The following SNTG1 variants were observed in gnomAD, a reference collection of about 807,000 sequenced individuals.
SNTG1 encodes the protein gamma-1-syntrophin.
A neutral mutation model predicts 74.7 loss-of-function variants in SNTG1; 39 were observed. That is an observed-to-expected ratio of 0.52 (90% CI 0.40 to 0.68). SNTG1 has a LOEUF of 0.68. Ranked by LOEUF, SNTG1 falls within the 30% of genes least tolerant of loss-of-function variation. SNTG1 has a pLI of 0.00. For missense variants in SNTG1, 685 were observed against 609.5 expected (o/e 1.12, Z -1.30); for synonymous variants, 254 against 217.1 (o/e 1.17, Z -1.49).
intron 2 of SNTG1, among the ~76,000 whole-genome samples, chr8:50,260,011 A>G (rs1006288456): frequency 6.6e-6 from 1 of 152,132 alleles, no homozygotes; most frequent in Non-Finnish European, 1.5e-5. Context: ...TGAGAGCCCT[A>G]CCAGGTTTTC....
intron 11 of SNTG1, among the ~76,000 whole-genome samples, chr8:50,537,384 G>A (rs915448227): frequency 1.3e-5 from 2 of 152,066 alleles, no homozygotes; most frequent in East Asian, 1.9e-4. Flanking sequence ...TAAACCACAT[G>A]CCCAGCAGCA....
chr8:50,320,670 G>A (rs923439004), intron 2 of SNTG1, among the ~76,000 whole-genome samples: 2 of 151,378 alleles, frequency 1.3e-5, no homozygotes, highest in Admixed American at 1.3e-4. Context: ...TTTTATCTTT[G>A]AACTGTATTT....
intron 15 of SNTG1, among the ~76,000 whole-genome samples, chr8:50,699,521 C>A (rs935629842): frequency 6.6e-6 from 1 of 151,540 alleles, no homozygotes; most frequent in Non-Finnish European, 1.5e-5. Context: ...GAAAAAAAAA[C>A]CTGTTGTTTC....
At chr8:50,220,487 A>G (rs1199670534) in intron 2 of SNTG1, among the ~76,000 whole-genome samples, 2 of 152,218 alleles carry the variant, frequency 1.3e-5, no homozygotes, top group South Asian at 2.1e-4. Context: ...GGAGGGGATA[A>G]TCTGTCTGCC....
chr8:50,364,673 T>C (rs928439615), intron 2 of SNTG1, among the ~76,000 whole-genome samples: 1 of 152,138 alleles, frequency 6.6e-6, no homozygotes, highest in African/African-American at 2.4e-5. Context: ...AATTCATTCA[T>C]ATTCAAGATC....
At chr8:50,349,976 C>G (rs1201612658) in intron 2 of SNTG1, among the ~76,000 whole-genome samples, 1 of 152,208 alleles carries the variant, frequency 6.6e-6, no homozygotes, top group East Asian at 1.9e-4. Flanking sequence ...AGCTGGAGTT[C>G]TGGGTGGGCG....
intron 8 of SNTG1, among the ~76,000 whole-genome samples, chr8:50,490,402 T>C (rs564853662): frequency 2.0e-5 from 3 of 152,206 alleles, no homozygotes; most frequent in African/African-American, 7.2e-5. Context: ...CCTATCCATG[T>C]GCATGGAATG....
At chr8:50,272,046 T>C (rs1270576064) in intron 2 of SNTG1, among the ~76,000 whole-genome samples, 2 of 152,168 alleles carry the variant, frequency 1.3e-5, no homozygotes, top group Non-Finnish European at 2.9e-5. Context: ...ATATCGAATC[T>C]GCCTGTATTT....
chr8:50,614,011 AC>A (rs1187606419), intron 13 of SNTG1, among the ~76,000 whole-genome samples: 13 of 152,124 alleles, frequency 8.5e-5, no homozygotes, highest in African/African-American at 2.7e-4. Context: ...GAGATTGTAC[AC>A]CCTGAGTGGT....
At chr8:50,555,038 A>C (rs1188232325) in intron 12 of SNTG1, among the ~76,000 whole-genome samples, 1 of 152,156 alleles carries the variant, frequency 6.6e-6, no homozygotes, top group Non-Finnish European at 1.5e-5. Flanking sequence ...CAAGCATTTG[A>C]AAAGTCAATG....
chr8:50,210,375 G>A (rs1230112419), intron 2 of SNTG1, among the ~76,000 whole-genome samples: 1 of 152,116 alleles, frequency 6.6e-6, no homozygotes, highest in Non-Finnish European at 1.5e-5. Context: ...GAAGTACAGA[G>A]AACTCCACAA....
At chr8:50,202,661 G>A (rs2084032241) in intron 2 of SNTG1, among the ~76,000 whole-genome samples, 1 of 152,054 alleles carries the variant, frequency 6.6e-6, no homozygotes, top group Admixed American at 6.6e-5. Context: ...AAAGTTATGT[G>A]CAGTATTATC....
At chr8:50,222,960 T>C (rs1211145703) in intron 2 of SNTG1, among the ~76,000 whole-genome samples, 1 of 152,112 alleles carries the variant, frequency 6.6e-6, no homozygotes, top group East Asian at 1.9e-4. Flanking sequence ...CAAGAAAACA[T>C]GCCTGAAAAT....
At chr8:50,110,237 T>A (rs1001639731) in intron 1 of SNTG1, among the ~76,000 whole-genome samples, 12 of 152,166 alleles carry the variant, frequency 7.9e-5, no homozygotes, top group African/African-American at 2.9e-4. Flanking sequence ...GACATTGCTT[T>A]CCATCTAGGT....
chr8:50,139,388 C>A (rs2081584862), intron 1 of SNTG1, among the ~76,000 whole-genome samples: 1 of 152,022 alleles, frequency 6.6e-6, no homozygotes, highest in South Asian at 2.1e-4. Flanking sequence ...TAGGTAAACC[C>A]TAAATATGGA....
At chr8:50,209,320 A>G (rs543897967) in intron 2 of SNTG1, among the ~76,000 whole-genome samples, 1 of 152,316 alleles carries the variant, frequency 6.6e-6, no homozygotes, top group South Asian at 2.1e-4. Context: ...ACAAAAGGCA[A>G]CAGAAACTTC....
chr8:49,922,494 T>C (rs1230222513), intron 1 of SNTG1, among the ~76,000 whole-genome samples: 2 of 152,016 alleles, frequency 1.3e-5, no homozygotes, highest in Admixed American at 6.6e-5. Flanking sequence ...AGCATTTACA[T>C]TGAGTCACAG....
intron 2 of SNTG1, among the ~76,000 whole-genome samples, chr8:50,202,473 C>A (rs938182265): frequency 6.6e-6 from 1 of 152,052 alleles, no homozygotes; most frequent in East Asian, 1.9e-4. Flanking sequence ...TCCACCGATT[C>A]TTTCACTTAG....
At chr8:50,429,100 T>A (rs2093201279) in intron 4 of SNTG1, among the ~76,000 whole-genome samples, 2 of 151,928 alleles carry the variant, frequency 1.3e-5, no homozygotes, top group Non-Finnish European at 2.9e-5. Flanking sequence ...TAAATCCCTA[T>A]AAAAAAATCC....
Sources: allele counts gnomAD v4.1 joint callset (sites outside exome capture counted in the v4.1 genomes callset), GRCh38; gene constraint gnomAD v4.1.1; transcripts MANE v1.5; gene names NCBI Gene and HGNC (gene_info 2026-07-23, HGNC 2026-07-21).